Variants in HUWE1 observed in about 807,000 individuals in gnomAD.
HUWE1 encodes E3 ubiquitin-protein ligase HUWE1.
HUWE1 carries 18 observed loss-of-function variants against 299.4 expected under a neutral mutation model. The observed-to-expected ratio is 0.06, with a 90% CI of 0.04 to 0.09. The LOEUF (loss-of-function observed/expected upper bound fraction) is 0.09, where lower values mean the gene tolerates loss of function less well. HUWE1 is among the 10% of genes least tolerant of loss of function. The probability of loss-of-function intolerance (pLI) is 1.00; values close to 1 mark genes in which losing one functional copy is unlikely to be tolerated. For missense variants in HUWE1, 1,832 were observed against 3,462.3 expected, an observed-to-expected ratio of 0.53 and a Z score of 11.82; for synonymous variants, 1,317 against 1,286.1, an observed-to-expected ratio of 1.02 and a Z score of -0.51.
At chrX:53,569,893 C>A in intron 47 of HUWE1, 66 bp from the exon 48 acceptor site, 1 of 875,883 alleles carries the variant, frequency 1.1e-6, no homozygotes, top group East Asian at 3.2e-5. Flanking sequence ...TGCACAGGAC[C>A]AAAGATACAC....
At chrX:53,599,408 G>A (rs997806582) in intron 29 of HUWE1, among the ~76,000 whole-genome samples, 3 of 111,623 alleles carry the variant, frequency 2.7e-5, no homozygotes, top group Non-Finnish European at 5.6e-5. Context: ...CTCTAAGTTA[G>A]GTCTCCATTT....
At chrX:53,614,386 C>T in intron 23 of HUWE1, 148 bp downstream of exon 23, 1 of 514,037 alleles carries the variant, frequency 1.9e-6, no homozygotes, top group Non-Finnish European at 3.4e-6. Context: ...AAAGGAAAAA[C>T]TAATACATTC....
intron 26 of HUWE1, among the ~76,000 whole-genome samples, chrX:53,604,028 A>T (rs1489496140): frequency 8.9e-6 from 1 of 111,810 alleles, no homozygotes; most frequent in East Asian, 2.8e-4. Context: ...CACAATTAAC[A>T]GAGAACACAC....
intron 55 of HUWE1, 74 bp downstream of exon 55, chrX:53,561,682 C>T (rs919775154): frequency 3.7e-5 from 45 of 1,200,998 alleles, no homozygotes; most frequent in Non-Finnish European, 4.9e-5. Flanking sequence ...TCGGTTTGGT[C>T]CACTGCTTGG....
At chrX:53,598,372 G>A (rs990837656) in intron 29 of HUWE1, among the ~76,000 whole-genome samples, 8 of 111,465 alleles carry the variant, frequency 7.2e-5, no homozygotes, top group African/African-American at 2.6e-4. Context: ...AGAAAGTACT[G>A]TGTATTTCCA....
chrX:53,621,594 T>C (rs1173304796), intron 19 of HUWE1, among the ~76,000 whole-genome samples: 1 of 107,638 alleles, frequency 9.3e-6, no homozygotes, highest in Admixed American at 1.0e-4. Context: ...CCCACATAAC[T>C]CATCATAACT....
chrX:53,557,413 C>T lies in HUWE1; in HGVS notation c.8175G>A (p.Lys2725=), dbSNP rs1254675333. ...RDQSAQCTAS[K]SNDSTEQNLS... The stretch of plus-strand genomic sequence containing the variant: ...GATTCTGTTCAGTGGAGTCATTTGA[C>T]TTAGATGCAGTACACTGCAAAAAGA... Residue 2725 remains lysine, a synonymous_variant, in exon 60 of 84, where the codon AAG becomes AAA. Coordinates refer to ENST00000262854, the MANE Select transcript of HUWE1 (RefSeq NM_031407.7). 4 of 1,207,468 alleles carry T rather than the reference C, an allele frequency of 3.3e-6. No homozygotes were observed. The African/African-American group carries it at 7.0e-5, about 21-fold the overall frequency.
chrX:53,647,057 C>T (rs1557036530), intron 6 of HUWE1, among the ~76,000 whole-genome samples: 2 of 111,677 alleles, frequency 1.8e-5, no homozygotes, highest in Admixed American at 9.5e-5. Flanking sequence ...TAATGTGGGG[C>T]TGCTCTAACA....
chrX:53,555,816 A>T (rs981028664), intron 60 of HUWE1, among the ~76,000 whole-genome samples: 4 of 107,638 alleles, frequency 3.7e-5, no homozygotes, highest in Non-Finnish European at 7.7e-5. Flanking sequence ...TAATTTTTGT[A>T]TTTTGAGTAG....
At chrX:53,576,252 A>G (rs932000461) in intron 44 of HUWE1, among the ~76,000 whole-genome samples, 1 of 112,010 alleles carries the variant, frequency 8.9e-6, no homozygotes, top group African/African-American at 3.3e-5. Flanking sequence ...ATTTTTGGCA[A>G]TTCTGTGGAC....
intron 7 of HUWE1, among the ~76,000 whole-genome samples, chrX:53,638,478 C>T (rs1241960451): frequency 8.9e-6 from 1 of 112,586 alleles, no homozygotes; most frequent in Non-Finnish European, 1.9e-5. Flanking sequence ...GCCACAGAGG[C>T]ATATACAACA....
intron 74 of HUWE1, among the ~76,000 whole-genome samples, chrX:53,541,178 G>A (rs2061328101): frequency 8.9e-6 from 1 of 112,159 alleles, no homozygotes. Flanking sequence ...CACTATACAT[G>A]TTTTAACTCA....
chrX:53,554,982 C>A, intron 60 of HUWE1, 62 bp from the exon 61 acceptor site: 2 of 904,433 alleles, frequency 2.2e-6, no homozygotes, highest in East Asian at 6.3e-5. Context: ...AGGGGAGCCA[C>A]CCCAATCAGC....
chrX:53,635,706 G>T (rs1603223121), intron 7 of HUWE1, among the ~76,000 whole-genome samples: 1 of 111,107 alleles, frequency 9.0e-6, no homozygotes, highest in Non-Finnish European at 1.9e-5. Flanking sequence ...GTCTAGTGTG[G>T]GTCCCAATCA....
At chrX:53,616,303 A>T (rs2065798441) in intron 21 of HUWE1, among the ~76,000 whole-genome samples, 3 of 110,695 alleles carry the variant, frequency 2.7e-5, no homozygotes, top group South Asian at 7.7e-4. Flanking sequence ...ATCCCCCCAA[A>T]TCACTAGGGA....
rs782540069 is a variant in HUWE1 at position 53,575,649 on chromosome X, G to A, written c.6024C>T (p.Ser2008=). The A allele has an allele frequency of 1.7e-5, 21 of 1,209,435 alleles. No homozygotes were observed. Among genetic ancestry groups the A allele is most frequent in the Admixed American group, 1.1e-4 (5 of 45,860 alleles). Residue 2008 remains serine (S), a synonymous_variant, in exon 45 of 84, where the codon TCC becomes TCT. Coordinates refer to ENST00000262854, the MANE Select transcript of HUWE1 (RefSeq NM_031407.7). ...GCTGTTGGAATTGACTTACATTAAT[G>A]GAAAAACCTGACTGCGTATCAAAGT... ...SSDFDTQSGF[S]INSQVFAADG... is the part of the protein sequence containing the mutation.
chrX:53,617,540 T>C (rs2065870368), intron 19 of HUWE1, 94 bp from the exon 20 acceptor site: 2 of 556,539 alleles, frequency 3.6e-6, no homozygotes, highest in Non-Finnish European at 3.1e-6. Context: ...ACATACTCAA[T>C]GTCTAGCAAT....
chrX:53,665,465 AAG>A (rs1318937090), intron 3 of HUWE1, among the ~76,000 whole-genome samples: 3 of 111,972 alleles, frequency 2.7e-5, no homozygotes, highest in African/African-American at 9.8e-5. Flanking sequence ...GATACTAAGA[AAG>A]AGGAATCTGA....
At chrX:53,582,979 T>C (rs2063694861) in intron 42 of HUWE1, among the ~76,000 whole-genome samples, 1 of 112,104 alleles carries the variant, frequency 8.9e-6, no homozygotes, top group African/African-American at 3.2e-5. Flanking sequence ...CAGACTATTG[T>C]CTTAACTTTA....
Sources: gnomAD v4.1 joint callset for allele counts (sites outside exome capture counted in the v4.1 genomes callset) on GRCh38, gnomAD v4.1.1 for gene constraint, MANE v1.5 for transcripts, NCBI Gene and HGNC (gene_info 2026-07-23, HGNC 2026-07-21) for gene names.